The following RALGDS variants were observed in gnomAD, a reference collection of about 807,000 sequenced individuals.
The protein encoded by RALGDS is ral guanine nucleotide dissociation stimulator.
Under a neutral mutation model 99.8 loss-of-function variants are expected in RALGDS, and 44 were observed. The observed-to-expected ratio is 0.44, with a 90% CI of 0.35 to 0.57. RALGDS has a LOEUF of 0.57. Among genes scored for constraint, RALGDS ranks in the 20% least tolerant of loss-of-function variants. The probability of loss-of-function intolerance (pLI) is 0.01; values close to 1 mark genes in which losing one functional copy is unlikely to be tolerated. For synonymous variants in RALGDS, 529 were observed against 505.0 expected (o/e 1.05, Z -0.64); for missense variants, 1,022 against 1,203.1 (o/e 0.85, Z 2.23).
At chr9:133,148,225 A>G (rs1832657193) in intron 1 of RALGDS, among the ~76,000 whole-genome samples, 1 of 152,202 alleles carries the variant, frequency 6.6e-6, no homozygotes, top group Non-Finnish European at 1.5e-5. Flanking sequence ...TAGAGCAGGA[A>G]TTTGAGGCTT....
chr9:133,098,579 G>A lies in RALGDS; in HGVS notation c.*8C>T. On this transcript the variant is annotated 3_prime_UTR_variant, in exon 18 of 18. Coordinates refer to ENST00000372050, the MANE Select transcript of RALGDS (RefSeq NM_006266.4). ...GCTACCAGCCAGCCAGACCCTGGGAGGATGCCCTCAGAAGATGCCCTTGGC... is the reference window on the plus strand; with the variant it reads ...GCTACCAGCCAGCCAGACCCTGGGAAGATGCCCTCAGAAGATGCCCTTGGC... The A allele has an allele frequency of 1.2e-6, 2 of 1,613,842 alleles. No individual in the cohort carries two copies. Among genetic ancestry groups the A allele is most frequent in the Admixed American group, 1.7e-5 (1 of 60,024 alleles).
At chr9:133,111,607 G>A (rs1017428091) in intron 2 of RALGDS, among the ~76,000 whole-genome samples, 1 of 152,204 alleles carries the variant, frequency 6.6e-6, no homozygotes, top group African/African-American at 2.4e-5. Flanking sequence ...AGTGTCCTCA[G>A]AGGACTCACA....
chr9:133,110,591 G>A, intron 2 of RALGDS, 102 bp from the exon 3 acceptor site: 1 of 984,450 alleles, frequency 1.0e-6, no homozygotes, highest in Non-Finnish European at 1.6e-6. Flanking sequence ...GCAAGAGGCA[G>A]GACTGAGTAT....
chr9:133,111,074 AG>A (rs1831314754), intron 2 of RALGDS, among the ~76,000 whole-genome samples: 1 of 152,136 alleles, frequency 6.6e-6, no homozygotes, highest in Non-Finnish European at 1.5e-5. Context: ...TCTCTAAAAG[AG>A]TGAAAAAATT....
At chr9:133,142,800 G>T (rs1034312994) in intron 1 of RALGDS, among the ~76,000 whole-genome samples, 1 of 152,202 alleles carries the variant, frequency 6.6e-6, no homozygotes, top group Non-Finnish European at 1.5e-5. Flanking sequence ...CACCACTTGG[G>T]GCCTAGGGCC....
intron 1 of RALGDS, chr9:133,129,090 C>T (rs1219804130): frequency 1.3e-6 from 2 of 1,503,260 alleles, no homozygotes; most frequent in African/African-American, 1.4e-5. Context: ...TCGGCGGTGA[C>T]CCACCCAGCC....
In RALGDS at chr9:133,098,629, G is replaced by A; in HGVS notation, c.2703C>T (p.Arg901=). The A allele has an allele frequency of 6.2e-7, 1 of 1,614,182 alleles. No homozygotes were observed. Among genetic ancestry groups the A allele is most frequent in the Non-Finnish European group, 8.5e-7 (1 of 1,180,014 alleles). Residue 901 remains arginine, a synonymous_variant, in exon 18 of 18, where the codon CGC becomes CGT. Transcript: ENST00000372050. ...VKHGASSTLP[R]MKQKGLKIAK... is the part of the protein sequence containing the mutation. ...CAATCTTGAGTCCTTTCTGCTTCAT[G>A]CGAGGGAGGGTGGAGCTGGCTCCGT...
upstream of RALGDS, among the ~76,000 whole-genome samples, chr9:133,121,598 T>TG (rs1410927154): frequency 2.0e-5 from 3 of 151,638 alleles, no homozygotes; most frequent in African/African-American, 7.3e-5. Context: ...GCTGATCATG[T>TG]GTGGGGAAGC....
At chr9:133,125,121 A>G (rs894788910), upstream of RALGDS, among the ~76,000 whole-genome samples, 8 of 152,250 alleles carry the variant, frequency 5.3e-5, no homozygotes, top group African/African-American at 1.9e-4. Flanking sequence ...TTGGATCATG[A>G]TGTCAGCAAG....
upstream of RALGDS, among the ~76,000 whole-genome samples, chr9:133,121,480 A>G (rs1321320661): frequency 6.6e-6 from 1 of 152,104 alleles, no homozygotes; most frequent in Non-Finnish European, 1.5e-5. Flanking sequence ...GGTCTCCCGG[A>G]GGACCGGCTG....
At position 133,112,123 on chromosome 9, in the gene RALGDS, C is replaced by G. The variant is rs1005629471; in HGVS notation, c.213G>C (p.Leu71=). 4 of 1,575,990 alleles carry G rather than the reference C, an allele frequency of 2.5e-6. No homozygotes were observed. Among genetic ancestry groups the G allele is most frequent in the Non-Finnish European group, 2.6e-6 (3 of 1,159,884 alleles). Residue 71 remains leucine, a synonymous_variant, in exon 2 of 18, where the codon CTG becomes CTC. Coordinates refer to ENST00000372050, the MANE Select transcript of RALGDS (RefSeq NM_006266.4). ...AGATGGAGTAGATGACTCCGTTGAT[C>G]AGCTCCTCACCGATCTCCTGCGTGG... ...ESSTQEIGEE[L]INGVIYSISL... is the part of the protein sequence containing the mutation.
chr9:133,114,850 C>T (rs1326426176), intron 1 of RALGDS, among the ~76,000 whole-genome samples: 1 of 152,238 alleles, frequency 6.6e-6, no homozygotes, highest in African/African-American at 2.4e-5. Context: ...TGTAAACACA[C>T]TGTCTGGCCT....
In RALGDS at chr9:133,109,665, TAGGGGAGGATGCAGCCGTATCTAGAGG is replaced by T. The variant is rs763310688; in HGVS notation, c.518_544del (p.Ser173_Pro181del). 1 of 1,613,902 alleles carries T rather than the reference TAGGGGAGGATGCAGCCGTATCTAGAGG, an allele frequency of 6.2e-7. No homozygotes were observed. The highest frequency in any genetic ancestry group is 8.5e-7 in the Non-Finnish European group (1 of 1,179,974). ...CTGGGGTCCACCATCCTCGTCGGAA[TAGGGGAGGATGCAGCCGTATCTAGAGG>T]AGGCCGTGAGGGCGTCACATCTACC... On this transcript the variant is annotated inframe_deletion, in exon 4 of 18. Transcript: ENST00000372050.
chr9:133,136,206 A>G (rs1832423274), intron 1 of RALGDS, among the ~76,000 whole-genome samples: 1 of 152,232 alleles, frequency 6.6e-6, no homozygotes, highest in African/African-American at 2.4e-5. Context: ...ATTTTTGAAA[A>G]TAAGAATGCT....
chr9:133,139,244 C>T lies in RALGDS; in HGVS notation c.18+9719G>A, dbSNP rs148414489. ...CCTGCAGGCCCAGAGGCCCTGGATA[C>T]ACACCCTGCTCCCTGCATATCTGCC... On this transcript the variant is annotated intron_variant, in intron 1 of 17. Coordinates refer to the RALGDS transcript ENST00000393160. 7.9e-3 allele frequency among the ~76,000 whole-genome samples: 1,204 copies of T among 152,378 alleles called. 55 individuals are homozygous for T. The highest frequency in any genetic ancestry group is 0.073 in the Admixed American group (1,117 of 15,312).
Position 133,103,259 on chromosome 9 carries a change from T to C in RALGDS, c.1762A>G (p.Arg588Gly), listed in dbSNP as rs1359421615. ...CTCCTCTTCTCAAAGTTGATGAGTC[T>C]GCCCTGGAAGGTGGACACCCAATGG... Reference protein sequence around the residue: ...DTAMKDYLYGRLINFEKRRKE... With the variant: ...DTAMKDYLYGGLINFEKRRKE... The change falls in exon 12 of 18, where the codon AGA (arginine) becomes GGA (glycine). Residue 588 changes from arginine (R) to glycine (G), a missense_variant. Around this residue, in one of 3 missense-constraint regions of RALGDS, gnomAD observed 825 missense variants for 994.5 expected, o/e 0.83. Transcript: ENST00000372050. 1 of 1,613,866 alleles carries C rather than the reference T, an allele frequency of 6.2e-7. No individual in the cohort carries two copies. The highest frequency in any genetic ancestry group is 8.5e-7 in the Non-Finnish European group (1 of 1,180,022).
rs45512701 is a variant in RALGDS at position 133,098,455 on chromosome 9, G to A, written c.*132C>T. The A allele has an allele frequency of 2.4e-3, 2,313 of 953,474 alleles. 7 individuals are homozygous for A. The highest frequency in any genetic ancestry group is 3.7e-3 in the South Asian group (260 of 69,500). 59.1% of individuals were successfully genotyped at this position (953,474 alleles called of 1,614,324 possible). A position where few individuals can be genotyped will look rare whatever the true frequency, so the allele number is the denominator to read the frequency against. On this transcript the variant is annotated 3_prime_UTR_variant, in exon 18 of 18. Transcript: ENST00000372050. The stretch of plus-strand genomic sequence containing the variant: ...TGGCAGGCGTCAATCCCAGCAGCGG[G>A]AGAGGTTCAGGATGAAACTGGAGTC...
At position 133,097,757 on chromosome 9, in the gene RALGDS, T is replaced by C. The variant is rs1311811060; in HGVS notation, c.*830A>G. The C allele has an allele frequency of 9.3e-6, 2 of 214,598 alleles. No homozygotes were observed. Among genetic ancestry groups the C allele is most frequent in the African/African-American group, 4.5e-5 (2 of 44,248 alleles). 13.3% of individuals were successfully genotyped at this position (214,598 alleles called of 1,614,324 possible). A position where few individuals can be genotyped will look rare whatever the true frequency, so the allele number is the denominator to read the frequency against. ...AGGATTTTAATATAATATTCAAGTC[T>C]AGCATTTGCTATTTACAACAAATAA... On this transcript the variant is annotated 3_prime_UTR_variant, in exon 18 of 18. Transcript: ENST00000372050.
At chr9:133,103,009 A>G in intron 12 of RALGDS, 109 bp from the exon 13 acceptor site, 1 of 1,514,984 alleles carries the variant, frequency 6.6e-7, no homozygotes, top group Non-Finnish European at 9.0e-7. Flanking sequence ...ACTCCCATCC[A>G]GGCCTTCCTG....
Sources: gnomAD v4.1 joint callset for allele counts (sites outside exome capture counted in the v4.1 genomes callset) on GRCh38, gnomAD v4.1.1 for gene constraint, gnomAD v4.1.1 regional missense constraint, MANE v1.5 for transcripts, NCBI Gene and HGNC (gene_info 2026-07-23, HGNC 2026-07-21) for gene names.